The following EYS variants were observed in gnomAD, a reference collection of about 807,000 sequenced individuals.
The protein encoded by EYS is EGF-like photoreceptor maintenance factor, also known as protein eyes shut homolog.
Under a neutral mutation model 282.1 loss-of-function variants are expected in EYS, and 250 were observed. That is an observed-to-expected ratio of 0.89 (90% CI 0.80 to 0.98). The LOEUF (loss-of-function observed/expected upper bound fraction) is 0.98, where lower values mean the gene tolerates loss of function less well. EYS is among the 50% of genes least tolerant of loss of function. The pLI is 0.00. For synonymous variants in EYS, 1,355 were observed against 1,282.9 expected (o/e 1.06, Z -1.20); for missense variants, 4,016 against 3,709.0 (o/e 1.08, Z -2.15).
intron 8 of EYS, among the ~76,000 whole-genome samples, chr6:65,365,090 G>T (rs1460675719): frequency 6.6e-6 from 1 of 151,614 alleles, no homozygotes; most frequent in African/African-American, 2.4e-5. Flanking sequence ...AAACAGTCAG[G>T]ACTTCAGCCA....
chr6:64,561,507 C>A (rs1765393479), intron 26 of EYS, among the ~76,000 whole-genome samples: 1 of 152,046 alleles, frequency 6.6e-6, no homozygotes. Context: ...GTACAAAAGT[C>A]ATTAGCATTC....
intron 26 of EYS, among the ~76,000 whole-genome samples, chr6:64,573,863 T>A (rs1358320830): frequency 6.6e-6 from 1 of 152,178 alleles, no homozygotes; most frequent in African/African-American, 2.4e-5. Context: ...TGGAAGACAG[T>A]GTGGCAATTC....
chr6:65,272,201 G>A (rs1361115060), intron 12 of EYS, among the ~76,000 whole-genome samples: 1 of 152,144 alleles, frequency 6.6e-6, no homozygotes, highest in Non-Finnish European at 1.5e-5. Flanking sequence ...CTTCTTATAA[G>A]TGGTTGGTTA....
At chr6:65,208,921 C>T (rs1207047951) in intron 12 of EYS, among the ~76,000 whole-genome samples, 14 of 151,776 alleles carry the variant, frequency 9.2e-5, no homozygotes, top group Admixed American at 2.0e-4. Flanking sequence ...AACCTACTCA[C>T]GTGCATCCTG....
intron 32 of EYS, among the ~76,000 whole-genome samples, chr6:64,078,966 A>C (rs772030111): frequency 1.6e-4 from 25 of 152,086 alleles, no homozygotes; most frequent in Admixed American, 1.2e-3. Context: ...GTGCTGCTTT[A>C]ACTATGAGCT....
At chr6:65,684,217 A>T (rs79527468) in intron 1 of EYS, among the ~76,000 whole-genome samples, 57 of 152,210 alleles carry the variant, frequency 3.7e-4, no homozygotes, top group African/African-American at 1.3e-3. Context: ...ACATTCTGCT[A>T]TGTTACAGAA....
chr6:64,161,779 T>A (rs1178614222), intron 31 of EYS, among the ~76,000 whole-genome samples: 2 of 152,186 alleles, frequency 1.3e-5, no homozygotes, highest in African/African-American at 4.8e-5. Context: ...AAGAAGGGAC[T>A]CAGATGATCT....
intron 18 of EYS, among the ~76,000 whole-genome samples, chr6:64,887,662 T>G (rs995740257): frequency 6.6e-6 from 1 of 152,142 alleles, no homozygotes; most frequent in Admixed American, 6.6e-5. Context: ...AAGTCTAACA[T>G]TCCCCATGCT....
At chr6:63,801,160 AGAG>A (rs1270637295) in intron 37 of EYS, among the ~76,000 whole-genome samples, 1 of 152,190 alleles carries the variant, frequency 6.6e-6, no homozygotes, top group Non-Finnish European at 1.5e-5. Flanking sequence ...CATGTAACAA[AGAG>A]GAGAATAGAG....
At chr6:64,551,155 CATATATGTGTATATACATATAT>C (rs1562056610) in intron 26 of EYS, among the ~76,000 whole-genome samples, 8 of 148,562 alleles carry the variant, frequency 5.4e-5, no homozygotes, top group African/African-American at 2.0e-4. Context: ...TATGTATATA[CATATATGTGTATATACATATAT>C]ACACACATAT....
intron 22 of EYS, among the ~76,000 whole-genome samples, chr6:64,661,374 A>G (rs1423764416): frequency 6.6e-6 from 1 of 152,232 alleles, no homozygotes; most frequent in Admixed American, 6.5e-5. Flanking sequence ...AACAAAAGCC[A>G]AAATTGACAA....
chr6:64,443,537 C>T (rs778960289), intron 26 of EYS, among the ~76,000 whole-genome samples: 118 of 152,098 alleles, frequency 7.8e-4, no homozygotes, highest in Non-Finnish European at 9.1e-4. Flanking sequence ...GTGTCCTCAC[C>T]CAAATCTCAT....
At chr6:64,768,955 T>C (rs1773439359) in intron 22 of EYS, among the ~76,000 whole-genome samples, 1 of 152,052 alleles carries the variant, frequency 6.6e-6, no homozygotes, top group Admixed American at 6.6e-5. Context: ...GTGTTGGCAA[T>C]TGTGTATGAA....
At chr6:64,901,027 G>T (rs985476481) in intron 18 of EYS, among the ~76,000 whole-genome samples, 5 of 147,692 alleles carry the variant, frequency 3.4e-5, no homozygotes, top group Admixed American at 6.8e-5. Context: ...AAAAAAAAAT[G>T]TGACACATAT....
chr6:64,846,214 CAA>C (rs1436364464), intron 19 of EYS, among the ~76,000 whole-genome samples: 5 of 152,042 alleles, frequency 3.3e-5, no homozygotes. Flanking sequence ...AAACATAAAA[CAA>C]AATAATTATG....
chr6:63,743,893 G>A (rs1769144948), intron 41 of EYS, among the ~76,000 whole-genome samples: 1 of 152,206 alleles, frequency 6.6e-6, no homozygotes, highest in Non-Finnish European at 1.5e-5. Flanking sequence ...GTCTCTAGCA[G>A]TAATGGGTGA....
chr6:64,587,494 T>C (rs924292789), intron 26 of EYS, among the ~76,000 whole-genome samples: 1 of 152,066 alleles, frequency 6.6e-6, no homozygotes, highest in African/African-American at 2.4e-5. Context: ...TTTCTCTACA[T>C]GAAGAGATTA....
intron 26 of EYS, among the ~76,000 whole-genome samples, chr6:64,453,102 C>A (rs968739062): frequency 6.7e-6 from 1 of 150,300 alleles, no homozygotes; most frequent in African/African-American, 2.4e-5. Flanking sequence ...ATTTTTGCAA[C>A]CTCATCTGAC....
chr6:65,592,038 T>C (rs1246129085), intron 2 of EYS, among the ~76,000 whole-genome samples: 2 of 152,000 alleles, frequency 1.3e-5, no homozygotes, highest in African/African-American at 2.4e-5. Context: ...ATTTTGAAAA[T>C]GGTATTTCTA....
Sources: allele counts gnomAD v4.1 joint callset (sites outside exome capture counted in the v4.1 genomes callset), GRCh38; gene constraint gnomAD v4.1.1; transcripts MANE v1.5; gene names NCBI Gene and HGNC (gene_info 2026-07-23, HGNC 2026-07-21).